Variants in SLC25A25 observed in about 807,000 individuals in gnomAD.
SLC25A25 encodes solute carrier family 25 member 25, also known as mitochondrial adenyl nucleotide antiporter SLC25A25.
A neutral mutation model predicts 57.7 loss-of-function variants in SLC25A25; 32 were observed. The ratio of observed to expected loss-of-function variants is 0.55; its 90% CI spans 0.42 to 0.74. SLC25A25 has a LOEUF of 0.74. SLC25A25 is among the 30% of genes least tolerant of loss of function. The probability of loss-of-function intolerance (pLI) is 0.00; values close to 1 mark genes in which losing one functional copy is unlikely to be tolerated. For synonymous variants in SLC25A25, 306 were observed against 291.2 expected, an observed-to-expected ratio of 1.05 and a Z score of -0.52; for missense variants, 556 against 701.3, an observed-to-expected ratio of 0.79 and a Z score of 2.34.
At position 128,107,181 on chromosome 9, in the gene SLC25A25, T is replaced by C. The variant is rs1481438408; in HGVS notation, c.1363+2T>C. 1 of 1,613,724 alleles carries C rather than the reference T, an allele frequency of 6.2e-7. No individual in the cohort carries two copies. The highest frequency in any genetic ancestry group is 8.5e-7 in the Non-Finnish European group (1 of 1,179,986). ...TCAGGACCCGGATGCAGGCGCAAGGTAAGGCTGGCCCTGGACAGTCCCCTG... is the reference window on the plus strand; with the variant it reads ...TCAGGACCCGGATGCAGGCGCAAGGCAAGGCTGGCCCTGGACAGTCCCCTG... On this transcript the variant is annotated splice_donor_variant, in intron 10 of 10. Coordinates refer to ENST00000373069, the MANE Select transcript of SLC25A25 (RefSeq NM_001330988.2). LOFTEE classifies it high-confidence loss of function.
chr9:128,088,553 G>A (rs769753669), intron 1 of SLC25A25, among the ~76,000 whole-genome samples: 4 of 152,192 alleles, frequency 2.6e-5, no homozygotes, highest in Non-Finnish European at 4.4e-5. Flanking sequence ...ACCTAGACTG[G>A]AAGCTCCAGG....
intron 1 of SLC25A25, among the ~76,000 whole-genome samples, chr9:128,080,569 G>A (rs1161570723): frequency 6.6e-6 from 1 of 150,730 alleles, no homozygotes; most frequent in Non-Finnish European, 1.5e-5. Flanking sequence ...ACAGGCATGC[G>A]CCACCGTGCC....
Position 128,103,415 on chromosome 9 carries a change from G to A in SLC25A25, c.625-266G>A, listed in dbSNP as rs950508610. Among the ~76,000 whole-genome samples, 4 of 152,212 alleles carry A rather than the reference G, an allele frequency of 2.6e-5. No individual in the cohort carries two copies. The highest frequency in any genetic ancestry group is 4.8e-5 in the African/African-American group (2 of 41,454). On this transcript the variant is annotated intron_variant, in intron 5 of 10. Transcript: ENST00000373069. The surrounding 1 kb of genome is among the most constrained non-coding windows in gnomAD (Gnocchi z 6.7). ...CTCCCTGGCAGCATTGGAAAGGGCC[G>A]GTGAATGGTTTTCTAACCGGCACCT...
intron 7 of SLC25A25, 34 bp from the exon 8 acceptor site, chr9:128,106,116 G>C: frequency 6.2e-7 from 1 of 1,612,978 alleles, no homozygotes; most frequent in Non-Finnish European, 8.5e-7. Context: ...CAACCTCTGG[G>C]TATATCAGGT....
chr9:128,095,511 C>T lies in SLC25A25; in HGVS notation c.262-5585C>T. 6.6e-6 allele frequency among the ~76,000 whole-genome samples: 1 copy of T among 152,170 alleles called. No homozygotes were observed. Among genetic ancestry groups the T allele is most frequent in the East Asian group, 1.9e-4 (1 of 5,198 alleles). On this transcript the variant is annotated intron_variant, in intron 1 of 10. Coordinates refer to ENST00000373069, the MANE Select transcript of SLC25A25 (RefSeq NM_001330988.2). The surrounding 1 kb of genome is among the most constrained non-coding windows in gnomAD (Gnocchi z 4.4). ...ATGGGCTTATTTGGGTAGAACTCTC[C>T]ATTTTTATATGAACATGGAGTCTTG...
chr9:128,105,809 C>G lies in SLC25A25; in HGVS notation c.864C>G (p.Leu288=), dbSNP rs376606350. ...QMIREGGARS[L]WRGNGINVLK... ...TTCGAGAAGGAGGGGCCAGGTCACTCTGGCGGGGCAATGGCATCAACGTCC... is the reference window on the plus strand; with the variant it reads ...TTCGAGAAGGAGGGGCCAGGTCACTGTGGCGGGGCAATGGCATCAACGTCC... Residue 288 remains leucine, a synonymous_variant, in exon 7 of 11, where the codon CTC becomes CTG. Transcript: ENST00000373069. The G allele has an allele frequency of 2.0e-5, 32 of 1,614,062 alleles. No homozygotes were observed. The highest frequency in any genetic ancestry group is 3.3e-5 in the Admixed American group (2 of 60,008).
At chr9:128,088,682 T>G (rs1833332738) in intron 1 of SLC25A25, among the ~76,000 whole-genome samples, 1 of 152,210 alleles carries the variant, frequency 6.6e-6, no homozygotes, top group African/African-American at 2.4e-5. Flanking sequence ...TTTTCTATGT[T>G]TTGTTTGCAC....
intron 1 of SLC25A25, chr9:128,092,082 T>C: frequency 3.1e-6 from 5 of 1,613,628 alleles, no homozygotes; most frequent in South Asian, 1.1e-5. Flanking sequence ...GCAGAGCAGT[T>C]TCCTAAGGTA....
intron 1 of SLC25A25, among the ~76,000 whole-genome samples, chr9:128,081,676 C>A (rs1417963901): frequency 6.6e-6 from 1 of 152,098 alleles, no homozygotes; most frequent in Non-Finnish European, 1.5e-5. Flanking sequence ...TGCCTGTACT[C>A]CCAGCACTTT....
chr9:128,073,562 C>A (rs1254867980), intron 1 of SLC25A25, among the ~76,000 whole-genome samples: 1 of 152,154 alleles, frequency 6.6e-6, no homozygotes, highest in Non-Finnish European at 1.5e-5. Flanking sequence ...AGACAGTCTA[C>A]AGAAGAAAGC....
rs562314438 is a variant in SLC25A25 at position 128,099,697 on chromosome 9, G to A, written c.262-1399G>A. Among the ~76,000 whole-genome samples, 2 of 152,280 alleles carry A rather than the reference G, an allele frequency of 1.3e-5. No individual in the cohort carries two copies. The highest frequency in any genetic ancestry group is 2.1e-4 in the South Asian group (1 of 4,826). The stretch of plus-strand genomic sequence containing the variant: ...CCCCTCACATTAGCCTTTTGATCGC[G>A]CCAGGTCATGGGGTATCTGTTCAGG... On this transcript the variant is annotated intron_variant, in intron 1 of 10. Coordinates refer to ENST00000373069, the MANE Select transcript of SLC25A25 (RefSeq NM_001330988.2). This position sits in a 1 kb window ranked among gnomAD's most constrained non-coding sequence, Gnocchi z 6.8.
intron 1 of SLC25A25, among the ~76,000 whole-genome samples, chr9:128,084,196 A>G (rs7044673): frequency 0.76 from 115,713 of 151,430 alleles, 45,348 homozygotes; most frequent in Non-Finnish European, 0.85. Flanking sequence ...AGGGAGGGAC[A>G]TGCCTAATTA....
At chr9:128,092,931 T>TGA (rs1833451413) in intron 1 of SLC25A25, among the ~76,000 whole-genome samples, 1 of 152,208 alleles carries the variant, frequency 6.6e-6, no homozygotes, top group South Asian at 2.1e-4. Context: ...GAAAGGAAAT[T>TGA]GCCACTTGGC....
intron 1 of SLC25A25, among the ~76,000 whole-genome samples, chr9:128,070,928 C>T (rs1588741908): frequency 1.1e-5 from 1 of 93,152 alleles, no homozygotes; most frequent in Non-Finnish European, 2.0e-5. Flanking sequence ...CCAGCCTGGG[C>T]AACAAGAGTG....
At chr9:128,084,472 T>C (rs1307950255) in intron 1 of SLC25A25, among the ~76,000 whole-genome samples, 1 of 152,140 alleles carries the variant, frequency 6.6e-6, no homozygotes, top group Non-Finnish European at 1.5e-5. Context: ...CTGACACTCC[T>C]TTTTATTGAT....
chr9:128,088,963 C>T (rs1299645983), intron 1 of SLC25A25, among the ~76,000 whole-genome samples: 2 of 152,200 alleles, frequency 1.3e-5, no homozygotes, highest in Non-Finnish European at 2.9e-5. Flanking sequence ...CTCACTCTGT[C>T]AGCCAGGCTG....
intron 1 of SLC25A25, among the ~76,000 whole-genome samples, chr9:128,081,746 T>C (rs4301523): frequency 0.71 from 107,355 of 151,866 alleles, 41,070 homozygotes; most frequent in Non-Finnish European, 0.85. Flanking sequence ...CTGGGCAACA[T>C]AGGGAGACCC....
chr9:128,098,259 C>T (rs535515171), intron 1 of SLC25A25: 7 of 253,258 alleles, frequency 2.8e-5, no homozygotes, highest in Admixed American at 1.1e-4. Flanking sequence ...GCAGGCAGAA[C>T]GCACCACCCG....
chr9:128,075,305 T>G (rs1352070135), intron 1 of SLC25A25, among the ~76,000 whole-genome samples: 1 of 151,656 alleles, frequency 6.6e-6, no homozygotes, highest in Non-Finnish European at 1.5e-5. Context: ...AGACCCTGTC[T>G]CAAAATAGAT....
Sources: gnomAD v4.1 joint callset for allele counts (sites outside exome capture counted in the v4.1 genomes callset) on GRCh38, gnomAD v4.1.1 for gene constraint, Gnocchi (gnomAD v3.1) non-coding constraint, MANE v1.5 for transcripts, NCBI Gene and HGNC (gene_info 2026-07-23, HGNC 2026-07-21) for gene names.